The following ANTXR1 variants were observed in gnomAD, a reference collection of about 807,000 sequenced individuals.
ANTXR1 encodes the protein ANTXR cell adhesion molecule 1, also known as anthrax toxin receptor 1.
A neutral mutation model predicts 78.1 loss-of-function variants in ANTXR1; 19 were observed. That is an observed-to-expected ratio of 0.24 (90% CI 0.17 to 0.36). ANTXR1 has a LOEUF of 0.36. Among genes scored for constraint, ANTXR1 ranks in the 10% least tolerant of loss-of-function variants. The pLI, the probability that ANTXR1 is intolerant of heterozygous loss-of-function variation, is 1.00. For missense variants in ANTXR1, 518 were observed against 718.6 expected, an observed-to-expected ratio of 0.72 and a Z score of 3.19; for synonymous variants, 273 against 260.5, an observed-to-expected ratio of 1.05 and a Z score of -0.46.
chr2:69,028,436 A>C (rs1307839542), intron 1 of ANTXR1, among the ~76,000 whole-genome samples: 1 of 152,208 alleles, frequency 6.6e-6, no homozygotes, highest in Non-Finnish European at 1.5e-5. Flanking sequence ...ATTTTTGATG[A>C]AGAAATTCTG....
chr2:69,220,832 A>G (rs578162271), intron 17 of ANTXR1, among the ~76,000 whole-genome samples: 5 of 152,314 alleles, frequency 3.3e-5, no homozygotes, highest in Admixed American at 2.0e-4. Context: ...GGAAGTCCCT[A>G]TGCTCCAGTG....
At chr2:69,092,232 AAT>A (rs1671264722) in intron 9 of ANTXR1, among the ~76,000 whole-genome samples, 1 of 152,188 alleles carries the variant, frequency 6.6e-6, no homozygotes, top group South Asian at 2.1e-4. Context: ...TACACACATC[AAT>A]GTTTATGGCA....
chr2:69,013,227 C>G lies in ANTXR1; in HGVS notation c.-273C>G, dbSNP rs1670915978. ...GCTCGGCGCGGCCTCGGGAGCTGCC[C>G]GGCGGCCCCGGACCGAGGCAGCCCT... On this transcript the variant is annotated 5_prime_UTR_variant, in exon 1 of 18. Coordinates refer to ENST00000303714, the MANE Select transcript of ANTXR1 (RefSeq NM_032208.3). This position sits in a 1 kb window ranked among gnomAD's most constrained non-coding sequence, Gnocchi z 5.0. 9 of 512,424 alleles carry G rather than the reference C, an allele frequency of 1.8e-5. No homozygotes were observed. The South Asian group carries it at 2.0e-4, about 12-fold the overall frequency. The allele number at this position is 512,424 out of a possible 1,614,324, so 31.7% of individuals were successfully genotyped here.
At chr2:69,145,526 G>A in intron 12 of ANTXR1, 15 of 1,432,724 alleles carry the variant, frequency 1.0e-5, no homozygotes, top group African/African-American at 1.4e-5. Flanking sequence ...GCCCCAACAT[G>A]GAAAGAAACA....
intron 9 of ANTXR1, among the ~76,000 whole-genome samples, chr2:69,092,288 CCA>C (rs1319218238): frequency 2.0e-5 from 3 of 152,152 alleles, no homozygotes; most frequent in Admixed American, 6.5e-5. Context: ...GGATTTTATT[CCA>C]GTTTCTGGCC....
At chr2:69,049,306 A>C (rs909594181) in intron 3 of ANTXR1, among the ~76,000 whole-genome samples, 2 of 151,850 alleles carry the variant, frequency 1.3e-5, no homozygotes, top group African/African-American at 4.8e-5. Context: ...GATTTCTTTT[A>C]TTTTTATTAT....
intron 17 of ANTXR1, among the ~76,000 whole-genome samples, chr2:69,220,222 T>TG (rs779490496): frequency 7.2e-5 from 11 of 152,224 alleles, no homozygotes; most frequent in Non-Finnish European, 1.5e-4. Context: ...GACCTTCCTC[T>TG]TTGTGGCTCA....
chr2:69,215,792 G>T (rs777658887), intron 17 of ANTXR1, among the ~76,000 whole-genome samples: 1 of 152,166 alleles, frequency 6.6e-6, no homozygotes, highest in Non-Finnish European at 1.5e-5. Context: ...ATTAATGGAG[G>T]CTCTACTGAC....
chr2:69,101,796 A>C (rs149012499), intron 9 of ANTXR1, among the ~76,000 whole-genome samples: 1 of 152,220 alleles, frequency 6.6e-6, no homozygotes, highest in Admixed American at 6.5e-5. Context: ...GATATGCCAC[A>C]TAGCATTATC....
intron 1 of ANTXR1, among the ~76,000 whole-genome samples, chr2:69,037,682 C>G (rs1669484084): frequency 6.6e-6 from 1 of 152,038 alleles, no homozygotes; most frequent in African/African-American, 2.4e-5. Context: ...GTTAGCCAGG[C>G]TGGTCTGGAA....
At chr2:69,119,060 G>C (rs1003964132) in intron 10 of ANTXR1, among the ~76,000 whole-genome samples, 2 of 151,978 alleles carry the variant, frequency 1.3e-5, no homozygotes, top group African/African-American at 4.8e-5. Context: ...AGAAATATTT[G>C]GTCTCCCAAG....
chr2:69,072,262 G>C (rs576467459), intron 5 of ANTXR1, among the ~76,000 whole-genome samples: 1 of 152,250 alleles, frequency 6.6e-6, no homozygotes, highest in African/African-American at 2.4e-5. Context: ...TCAGTAGAGT[G>C]CCTAGCACAT....
intron 12 of ANTXR1, among the ~76,000 whole-genome samples, chr2:69,148,661 C>A (rs1339652200): frequency 6.6e-6 from 1 of 152,188 alleles, no homozygotes; most frequent in African/African-American, 2.4e-5. Flanking sequence ...ACAGTAAATG[C>A]TCAGTGAATG....
intron 17 of ANTXR1, among the ~76,000 whole-genome samples, chr2:69,226,857 A>G (rs1235917159): frequency 6.6e-6 from 1 of 152,152 alleles, no homozygotes; most frequent in Non-Finnish European, 1.5e-5. Flanking sequence ...TTTTCCTCTT[A>G]AAGATTCCTC....
At chr2:69,074,612 G>A (rs2104222227) in intron 6 of ANTXR1, among the ~76,000 whole-genome samples, 1 of 152,300 alleles carries the variant, frequency 6.6e-6, no homozygotes, top group East Asian at 1.9e-4. Flanking sequence ...TGCAAATAAA[G>A]TTGAGGCTAC....
At chr2:69,080,576 C>G (rs1465389228) in intron 8 of ANTXR1, among the ~76,000 whole-genome samples, 2 of 152,182 alleles carry the variant, frequency 1.3e-5, no homozygotes, top group African/African-American at 2.4e-5. Context: ...ATGGCAGGCT[C>G]TGACCATTCA....
intron 16 of ANTXR1, among the ~76,000 whole-genome samples, chr2:69,189,505 T>C (rs925092515): frequency 1.3e-5 from 2 of 152,204 alleles, no homozygotes; most frequent in African/African-American, 4.8e-5. Flanking sequence ...CCATTTGGGC[T>C]CACAGTAAAA....
chr2:69,229,531 A>G (rs1424602958), intron 17 of ANTXR1, among the ~76,000 whole-genome samples: 2 of 152,192 alleles, frequency 1.3e-5, no homozygotes, highest in Non-Finnish European at 2.9e-5. Flanking sequence ...TTTAAAGCAA[A>G]TACCTCAACA....
At chr2:69,203,956 C>A (rs1674834710) in intron 17 of ANTXR1, among the ~76,000 whole-genome samples, 1 of 152,190 alleles carries the variant, frequency 6.6e-6, no homozygotes, top group Non-Finnish European at 1.5e-5. Context: ...TGTTCAAATT[C>A]TCCGACCTCA....
Sources: allele counts gnomAD v4.1 joint callset (sites outside exome capture counted in the v4.1 genomes callset), GRCh38; gene constraint gnomAD v4.1.1; non-coding constraint Gnocchi (gnomAD v3.1); transcripts MANE v1.5; gene names NCBI Gene and HGNC (gene_info 2026-07-23, HGNC 2026-07-21).